MSR1: variants seen among roughly 807,000 people sequenced by gnomAD.
MSR1 encodes the protein macrophage scavenger receptor types I and II.
A neutral mutation model predicts 47.2 loss-of-function variants in MSR1; 53 were observed. The ratio of observed to expected loss-of-function variants is 1.12; its 90% CI spans 0.90 to 1.41. The LOEUF is 1.41. Among genes scored for constraint, MSR1 ranks in the 40% most tolerant of loss-of-function variants. The pLI is 0.00. For synonymous variants in MSR1, 239 were observed against 185.6 expected (o/e 1.29, Z -2.34); for missense variants, 786 against 546.9 (o/e 1.44, Z -4.36).
At chr8:16,188,779 C>G (rs1478778658) in intron 1 of MSR1, among the ~76,000 whole-genome samples, 2 of 151,768 alleles carry the variant, frequency 1.3e-5, no homozygotes, top group African/African-American at 4.8e-5. Flanking sequence ...TTCTGTTCCT[C>G]TGTTAGTTTG....
intron 1 of MSR1, among the ~76,000 whole-genome samples, chr8:16,190,264 T>C (rs1802160671): frequency 6.6e-6 from 1 of 152,136 alleles, no homozygotes; most frequent in Admixed American, 6.6e-5. Context: ...TATGTGAAAC[T>C]AAAAAGTGAA....
chr8:16,151,762 T>A (rs1023944298), intron 6 of MSR1, among the ~76,000 whole-genome samples: 2 of 152,092 alleles, frequency 1.3e-5, no homozygotes, highest in African/African-American at 4.8e-5. Flanking sequence ...ATAAAGCTGG[T>A]CTGATAATTA....
intron 9 of MSR1, among the ~76,000 whole-genome samples, chr8:16,120,120 G>GT (rs1188904707): frequency 6.6e-6 from 1 of 151,924 alleles, no homozygotes; most frequent in Non-Finnish European, 1.5e-5. Flanking sequence ...GCTCTCGCCT[G>GT]TAATCCCAGC....
intron 1 of MSR1, among the ~76,000 whole-genome samples, chr8:16,186,455 G>T (rs982641080): frequency 4.6e-5 from 7 of 152,038 alleles, no homozygotes; most frequent in African/African-American, 1.4e-4. Context: ...CCCCTGCTTA[G>T]AATTCTAATA....
intron 8 of MSR1, chr8:16,139,598 A>G (rs1792035432): frequency 1.8e-5 from 18 of 974,526 alleles, no homozygotes; most frequent in South Asian, 9.5e-5. Context: ...ATGTAATCCC[A>G]TAAGAGATTT....
intron 1 of MSR1, chr8:16,186,372 A>T: frequency 1.6e-6 from 1 of 608,580 alleles, no homozygotes. Flanking sequence ...AAGGCTGATG[A>T]CTCTTAAGTC....
intron 2 of MSR1, among the ~76,000 whole-genome samples, chr8:16,176,234 C>T (rs1444563257): frequency 6.6e-6 from 1 of 152,106 alleles, no homozygotes; most frequent in Non-Finnish European, 1.5e-5. Flanking sequence ...GAGCTGGATG[C>T]AGTGGCTCAC....
Position 16,168,482 on chromosome 8 carries a change from T to C in MSR1, c.606A>G (p.Gln202=), listed in dbSNP as rs780439913. 1.2e-5 allele frequency: 19 copies of C among 1,614,070 alleles called. No homozygotes were observed. In the East Asian group the frequency reaches 4.0e-4, roughly 34 times the overall value. Reference sequence around the variant, plus strand: ...CCTCTTGTTGTTTGAAGGTATTCTCTTGGATTTTGCCATTCAGATTTTCTA... The same window carrying C: ...CCTCTTGTTGTTTGAAGGTATTCTCCTGGATTTTGCCATTCAGATTTTCTA... ...LNIENLNGKI[Q]ENTFKQQEEI... Residue 202 remains glutamine, a synonymous_variant, in exon 4 of 10, where the codon CAA becomes CAG. Coordinates refer to ENST00000262101, the MANE Select transcript of MSR1 (RefSeq NM_138715.3).
At chr8:16,156,032 T>C (rs1800996428) in intron 5 of MSR1, among the ~76,000 whole-genome samples, 1 of 151,854 alleles carries the variant, frequency 6.6e-6, no homozygotes, top group African/African-American at 2.4e-5. Context: ...CTAGCATGTC[T>C]TTAGAACTCA....
intron 8 of MSR1, among the ~76,000 whole-genome samples, chr8:16,129,829 G>C (rs138049499): frequency 1.0e-3 from 153 of 152,254 alleles, no homozygotes; most frequent in African/African-American, 3.3e-3. Flanking sequence ...ATAATAGGCT[G>C]TGAGCCCATA....
At chr8:16,177,619 T>C (rs1425265296) in intron 2 of MSR1, among the ~76,000 whole-genome samples, 1 of 152,106 alleles carries the variant, frequency 6.6e-6, no homozygotes, top group Non-Finnish European at 1.5e-5. Flanking sequence ...CTCACGGTGC[T>C]AGGATCATAT....
chr8:16,168,606 G>C lies in MSR1; in HGVS notation c.482C>G (p.Thr161Ser). 2 of 1,614,138 alleles carry C rather than the reference G, an allele frequency of 1.2e-6. No homozygotes were observed. The highest frequency in any genetic ancestry group is 1.7e-6 in the Non-Finnish European group (2 of 1,180,014). ...RFNDILLQLS[T>S]LFSSVQGHGN... ...ATGTCCCTGGACTGAGGAAAACAAG[G>C]TACTTAGCTGCAGAAGAATGTCATT... is the stretch of plus-strand genomic sequence containing the variant. The change falls in exon 4 of 10, where the codon ACC (threonine) becomes AGC (serine). Residue 161 changes from threonine (T) to serine (S), a missense_variant. Coordinates refer to ENST00000262101, the MANE Select transcript of MSR1 (RefSeq NM_138715.3).
chr8:16,143,428 G>T, intron 8 of MSR1, 130 bp downstream of exon 8: 1 of 667,670 alleles, frequency 1.5e-6, no homozygotes, highest in Non-Finnish European at 2.6e-6. Flanking sequence ...AGAAAATTAT[G>T]TTTGGCTTCC....
At chr8:16,152,852 C>T (rs1800898297) in intron 6 of MSR1, among the ~76,000 whole-genome samples, 1 of 152,038 alleles carries the variant, frequency 6.6e-6, no homozygotes, top group African/African-American at 2.4e-5. Context: ...TCTGTTTACA[C>T]ATACTCTATA....
intron 5 of MSR1, 135 bp downstream of exon 5, chr8:16,163,930 T>C (rs1801229800): frequency 1.5e-6 from 1 of 671,836 alleles, no homozygotes; most frequent in Admixed American, 3.5e-5. Flanking sequence ...TATTCTTTCC[T>C]TTGGGTATTT....
At chr8:16,182,309 G>A (rs1402632648) in intron 1 of MSR1, among the ~76,000 whole-genome samples, 3 of 152,198 alleles carry the variant, frequency 2.0e-5, no homozygotes, top group Non-Finnish European at 4.4e-5. Context: ...GAGTCAGTGA[G>A]TGAGCGGTGA....
At chr8:16,174,565 G>A (rs1457881695) in intron 3 of MSR1, among the ~76,000 whole-genome samples, 2 of 152,000 alleles carry the variant, frequency 1.3e-5, no homozygotes, top group Admixed American at 1.3e-4. Context: ...TTGAGCCCAA[G>A]TATCACGTTG....
At chr8:16,175,967 T>G (rs149724866) in intron 2 of MSR1, among the ~76,000 whole-genome samples, 6 of 152,316 alleles carry the variant, frequency 3.9e-5, no homozygotes, top group African/African-American at 1.4e-4. Context: ...CACTGTGATT[T>G]ATATAATGGG....
intron 8 of MSR1, among the ~76,000 whole-genome samples, chr8:16,131,055 A>C (rs1800244431): frequency 6.6e-6 from 1 of 152,102 alleles, no homozygotes; most frequent in African/African-American, 2.4e-5. Context: ...TAAACCACCA[A>C]AGTGCTTTCC....
Sources: gnomAD v4.1 joint callset for allele counts (sites outside exome capture counted in the v4.1 genomes callset) on GRCh38, gnomAD v4.1.1 for gene constraint, MANE v1.5 for transcripts, NCBI Gene and HGNC (gene_info 2026-07-23, HGNC 2026-07-21) for gene names.